The following KCNK13 variants were observed in gnomAD, a reference collection of about 807,000 sequenced individuals.
The protein encoded by KCNK13 is potassium two pore domain channel subfamily K member 13.
In KCNK13, 12 loss-of-function variants were observed where a neutral mutation model predicts 23.4. That is an observed-to-expected ratio of 0.51 (90% CI 0.33 to 0.83). The LOEUF is 0.83. Among genes scored for constraint, KCNK13 ranks in the 40% least tolerant of loss-of-function variants. The pLI, the probability that KCNK13 is intolerant of heterozygous loss-of-function variation, is 0.02. For synonymous variants in KCNK13, 231 were observed against 229.5 expected (o/e 1.01, Z -0.06); for missense variants, 463 against 556.3 (o/e 0.83, Z 1.69).
intron 1 of KCNK13, among the ~76,000 whole-genome samples, chr14:90,165,398 T>C (rs1222824591): frequency 6.6e-6 from 1 of 152,192 alleles, no homozygotes; most frequent in East Asian, 1.9e-4. Flanking sequence ...TGTGTACCTG[T>C]CCTCTGCAGC....
intron 1 of KCNK13, among the ~76,000 whole-genome samples, chr14:90,150,692 G>A (rs529362140): frequency 6.6e-6 from 1 of 152,268 alleles, no homozygotes; most frequent in African/African-American, 2.4e-5. Flanking sequence ...TTGAATTTGT[G>A]TCTCTGCCCA....
chr14:90,119,319 A>T (rs1889710836), intron 1 of KCNK13, among the ~76,000 whole-genome samples: 1 of 152,178 alleles, frequency 6.6e-6, no homozygotes, highest in Non-Finnish European at 1.5e-5. Flanking sequence ...CTGATACCAA[A>T]ACCTGGCAGA....
intron 1 of KCNK13, among the ~76,000 whole-genome samples, chr14:90,182,493 G>A (rs1335209859): frequency 6.6e-6 from 1 of 152,126 alleles, no homozygotes; most frequent in African/African-American, 2.4e-5. Flanking sequence ...TGATCCAAAC[G>A]ATGGGACCCA....
At chr14:90,109,777 C>T (rs1177845062) in intron 1 of KCNK13, among the ~76,000 whole-genome samples, 2 of 151,138 alleles carry the variant, frequency 1.3e-5, no homozygotes, top group East Asian at 1.9e-4. Flanking sequence ...GGTGCAATCA[C>T]GGCTCACTGT....
At chr14:90,132,214 C>G (rs1473033755) in intron 1 of KCNK13, among the ~76,000 whole-genome samples, 1 of 152,140 alleles carries the variant, frequency 6.6e-6, no homozygotes, top group Non-Finnish European at 1.5e-5. Context: ...TCCATTGATA[C>G]GATGTAACAA....
rs1413191946 is a variant in KCNK13 at position 90,159,918 on chromosome 14, G to C, written c.335-24193G>C. The stretch of plus-strand genomic sequence containing the variant: ...CCCAGATAGCCTGACTCCAGACTTG[G>C]TATTCTTAATAATCGTGTGTGTGTA... On this transcript the variant is annotated intron_variant, in intron 1 of 1. Transcript: ENST00000282146. Among the ~76,000 whole-genome samples, 4 of 149,684 alleles carry C rather than the reference G, an allele frequency of 2.7e-5. No homozygotes were observed. The East Asian group carries it at 8.0e-4, about 30-fold the overall frequency.
chr14:90,107,534 T>C (rs1889560927), intron 1 of KCNK13: 3 of 389,902 alleles, frequency 7.7e-6, no homozygotes, highest in Admixed American at 3.8e-5. Context: ...GGCAGTTGCC[T>C]GCCTGGAAAT....
chr14:90,116,567 T>C (rs1889679282), intron 1 of KCNK13, among the ~76,000 whole-genome samples: 1 of 152,170 alleles, frequency 6.6e-6, no homozygotes, highest in African/African-American at 2.4e-5. Context: ...CTAGGTCAGC[T>C]CATCAAACCT....
chr14:90,078,632 G>A (rs899696346), intron 1 of KCNK13, among the ~76,000 whole-genome samples: 5 of 152,092 alleles, frequency 3.3e-5, no homozygotes, highest in Non-Finnish European at 7.4e-5. Flanking sequence ...CAGGCAGGCA[G>A]GCAGGCATGC....
At chr14:90,074,537 G>C (rs1889114203) in intron 1 of KCNK13, among the ~76,000 whole-genome samples, 1 of 152,126 alleles carries the variant, frequency 6.6e-6, no homozygotes, top group African/African-American at 2.4e-5. Context: ...TTGAATGATT[G>C]CTTTTAAAAA....
intron 1 of KCNK13, among the ~76,000 whole-genome samples, chr14:90,150,936 G>A (rs113794339): frequency 0.011 from 1,683 of 152,026 alleles, 20 homozygotes; most frequent in African/African-American, 0.039. Flanking sequence ...CCAAGATTGC[G>A]CCACTATACT....
At chr14:90,120,542 C>G (rs1053283433) in intron 1 of KCNK13, among the ~76,000 whole-genome samples, 5 of 152,114 alleles carry the variant, frequency 3.3e-5, no homozygotes, top group Non-Finnish European at 5.9e-5. Context: ...GAAGTGAGTG[C>G]CAGCAGGGAA....
intron 1 of KCNK13, among the ~76,000 whole-genome samples, chr14:90,153,728 A>G (rs999079302): frequency 6.6e-6 from 1 of 152,238 alleles, no homozygotes; most frequent in African/African-American, 2.4e-5. Context: ...GAGAAGAAAC[A>G]TGGGCTGCAG....
chr14:90,150,098 C>G (rs1212763827), intron 1 of KCNK13, among the ~76,000 whole-genome samples: 1 of 152,094 alleles, frequency 6.6e-6, no homozygotes, highest in East Asian at 1.9e-4. Context: ...ACCTAGTCTT[C>G]AGAGATTTCG....
At chr14:90,141,798 G>GA (rs1002693567) in intron 1 of KCNK13, among the ~76,000 whole-genome samples, 1 of 144,492 alleles carries the variant, frequency 6.9e-6, no homozygotes, top group Admixed American at 7.0e-5. Context: ...GTTTTTTGGG[G>GA]GGGGGGACGG....
At chr14:90,125,666 C>T (rs1889791152) in intron 1 of KCNK13, among the ~76,000 whole-genome samples, 1 of 151,808 alleles carries the variant, frequency 6.6e-6, no homozygotes, top group Admixed American at 6.6e-5. Context: ...CAAAGAGACA[C>T]AGGACTCAAT....
At chr14:90,132,473 G>A (rs1889885680) in intron 1 of KCNK13, among the ~76,000 whole-genome samples, 4 of 151,600 alleles carry the variant, frequency 2.6e-5, no homozygotes, top group Admixed American at 2.0e-4. Context: ...GAACCTAGGA[G>A]GCAGAGGTTG....
In KCNK13 at chr14:90,145,469, T is replaced by C. The variant is rs571512131; in HGVS notation, c.335-38642T>C. Among the ~76,000 whole-genome samples, 3 of 152,338 alleles carry C rather than the reference T, an allele frequency of 2.0e-5. No homozygotes were observed. The South Asian group carries it at 6.2e-4, about 32-fold the overall frequency. ...CTTAATTATGATGTATTATCATTTT[T>C]ATACATTGTTGGATTCAAACATGCT... is the stretch of plus-strand genomic sequence containing the variant. On this transcript the variant is annotated intron_variant, in intron 1 of 1. Transcript: ENST00000282146.
At position 90,066,817 on chromosome 14, in the gene KCNK13, C is replaced by CA. The variant is rs200095445; in HGVS notation, c.334+4287dup. On this transcript the variant is annotated intron_variant, in intron 1 of 1. Transcript: ENST00000282146. Reference sequence around the variant, plus strand: ...GCAATTCCATTTCTAGGTATATATCCAAAAAAAAATCAAAAGTAGGGATTC... The same window carrying CA: ...GCAATTCCATTTCTAGGTATATATCCAAAAAAAAAATCAAAAGTAGGGATTC... 6.6e-4 allele frequency among the ~76,000 whole-genome samples: 99 copies of CA among 150,674 alleles called. 1 individual carries two copies. Among genetic ancestry groups the CA allele is most frequent in the African/African-American group, 1.8e-3 (74 of 41,046 alleles).
Sources: allele counts gnomAD v4.1 joint callset (sites outside exome capture counted in the v4.1 genomes callset), GRCh38; gene constraint gnomAD v4.1.1; transcripts MANE v1.5; gene names NCBI Gene and HGNC (gene_info 2026-07-23, HGNC 2026-07-21).